The following AFAP1 variants were observed in gnomAD, a reference collection of about 807,000 sequenced individuals.
AFAP1 encodes the protein actin filament associated protein 1, also known as actin filament-associated protein 1.
In AFAP1, 75 loss-of-function variants were observed where a neutral mutation model predicts 93.9. The ratio of observed to expected loss-of-function variants is 0.80; its 90% CI spans 0.66 to 0.97. AFAP1 has a LOEUF of 0.97. Among genes scored for constraint, AFAP1 ranks in the 50% least tolerant of loss-of-function variants. AFAP1 has a pLI of 0.00. For missense variants in AFAP1, 1,201 were observed against 1,050.8 expected (o/e 1.14, Z -1.98); for synonymous variants, 517 against 430.7 (o/e 1.20, Z -2.48).
intron 1 of AFAP1, among the ~76,000 whole-genome samples, chr4:7,928,182 C>T (rs536807571): frequency 7.9e-5 from 12 of 152,286 alleles, no homozygotes; most frequent in African/African-American, 2.9e-4. Flanking sequence ...CTGCCCCAAC[C>T]CCACTCCAGC....
intron 4 of AFAP1, among the ~76,000 whole-genome samples, chr4:7,853,494 G>A (rs955205240): frequency 1.3e-5 from 2 of 152,106 alleles, no homozygotes; most frequent in Non-Finnish European, 2.9e-5. Flanking sequence ...GCAGGCTCCC[G>A]TCTGTCTGTC....
chr4:7,823,819 G>A (rs904246147), intron 6 of AFAP1, among the ~76,000 whole-genome samples: 31 of 152,168 alleles, frequency 2.0e-4, no homozygotes, highest in South Asian at 2.1e-4. Flanking sequence ...TGGGAGGATC[G>A]CATTCAGCAA....
intron 1 of AFAP1, among the ~76,000 whole-genome samples, chr4:7,930,912 G>A (rs1043088153): frequency 1.3e-5 from 2 of 152,088 alleles, no homozygotes; most frequent in Admixed American, 6.5e-5. Flanking sequence ...CACTACAACC[G>A]ACTAATTTTT....
rs970510306 is a variant in AFAP1 at position 7,790,812 on chromosome 4, A to T, written c.1412+2869T>A. Reference sequence around the variant, plus strand: ...TAAGTACTAGACTACATCTATCCTGATTTCCACACAAAAGGACAGTGGTGA... The same window carrying T: ...TAAGTACTAGACTACATCTATCCTGTTTTCCACACAAAAGGACAGTGGTGA... On this transcript the variant is annotated intron_variant, in intron 11 of 17. Coordinates refer to ENST00000420658, the MANE Select transcript of AFAP1 (RefSeq NM_001134647.2). Among the ~76,000 whole-genome samples, 15 of 152,306 alleles carry T rather than the reference A, an allele frequency of 9.8e-5. No homozygotes were observed. In the East Asian group the frequency reaches 2.9e-3, roughly 29 times the overall value.
intron 1 of AFAP1, among the ~76,000 whole-genome samples, chr4:7,930,941 G>A (rs1269639703): frequency 7.2e-5 from 11 of 152,122 alleles, no homozygotes; most frequent in Admixed American, 5.9e-4. Flanking sequence ...TAGTAGAGAC[G>A]AGGTTTCACT....
Position 7,767,920 on chromosome 4 carries a change from C to A in AFAP1, c.2418+924G>T, listed in dbSNP as rs893427487. ...CCAAACCTCATCTCTATAAAGAATA[C>A]AGTAAGTTAGCTGGGCATAATGGTG... On this transcript the variant is annotated intron_variant, in intron 17 of 17. Transcript: ENST00000420658. 3.9e-5 allele frequency among the ~76,000 whole-genome samples: 6 copies of A among 152,160 alleles called. No individual in the cohort carries two copies. In the South Asian group the frequency reaches 1.2e-3, roughly 32 times the overall value.
At chr4:7,785,812 C>A (rs529309811) in intron 12 of AFAP1, among the ~76,000 whole-genome samples, 1 of 151,926 alleles carries the variant, frequency 6.6e-6, no homozygotes, top group Non-Finnish European at 1.5e-5. Flanking sequence ...GTGGTGTGCA[C>A]CTACGGTCCC....
chr4:7,928,391 T>G (rs1441504305), intron 1 of AFAP1, among the ~76,000 whole-genome samples: 1 of 152,082 alleles, frequency 6.6e-6, no homozygotes, highest in Non-Finnish European at 1.5e-5. Flanking sequence ...AGGTTTTGTT[T>G]TTTTGGTTTT....
intron 11 of AFAP1, 78 bp from the exon 12 acceptor site, chr4:7,786,389 G>T: frequency 8.3e-7 from 1 of 1,204,572 alleles, no homozygotes; most frequent in Non-Finnish European, 1.2e-6. Flanking sequence ...AATGAGTTCT[G>T]ACTTTATGCC....
intron 1 of AFAP1, among the ~76,000 whole-genome samples, chr4:7,876,704 A>T (rs1046624472): frequency 2.0e-5 from 3 of 152,184 alleles, no homozygotes; most frequent in Admixed American, 1.3e-4. Flanking sequence ...CTTGAATTCC[A>T]AGAAATATTT....
chr4:7,802,031 T>C (rs28662795), intron 9 of AFAP1, among the ~76,000 whole-genome samples: 176 of 122,336 alleles, frequency 1.4e-3, no homozygotes, highest in African/African-American at 5.5e-3. Context: ...TTATTAGCAA[T>C]TGATAAATGC....
chr4:7,896,103 C>T (rs968742474), intron 1 of AFAP1, among the ~76,000 whole-genome samples: 16 of 152,148 alleles, frequency 1.1e-4, no homozygotes, highest in African/African-American at 2.7e-4. Context: ...TCAGGTGATC[C>T]GCCCGCCTCG....
At chr4:7,857,551 A>G (rs997854991) in intron 3 of AFAP1, among the ~76,000 whole-genome samples, 2 of 152,148 alleles carry the variant, frequency 1.3e-5, no homozygotes, top group African/African-American at 4.8e-5. Flanking sequence ...AGGCTGGACC[A>G]TCTCCAGGTC....
At chr4:7,775,509 CA>C (rs1716006235) in intron 14 of AFAP1, 1 of 152,562 alleles carries the variant, frequency 6.6e-6, no homozygotes, top group Non-Finnish European at 1.5e-5. Context: ...CCTAACACCG[CA>C]GTATCTGTTC....
chr4:7,920,071 T>C (rs1211206747), intron 1 of AFAP1, among the ~76,000 whole-genome samples: 2 of 152,192 alleles, frequency 1.3e-5, no homozygotes, highest in African/African-American at 2.4e-5. Flanking sequence ...TTCCCTGTCT[T>C]TGCTACTGTG....
intron 6 of AFAP1, among the ~76,000 whole-genome samples, chr4:7,837,346 C>T (rs1207657136): frequency 1.3e-5 from 2 of 152,122 alleles, no homozygotes; most frequent in Admixed American, 6.5e-5. Context: ...GTCATGAGGG[C>T]AGAGCCCCCA....
intron 5 of AFAP1, 48 bp downstream of exon 5, chr4:7,843,091 T>C (rs1226081149): frequency 1.1e-5 from 17 of 1,588,082 alleles, no homozygotes; most frequent in African/African-American, 1.3e-5. Context: ...CCATGGCTTC[T>C]GAGTGCAGCA....
At chr4:7,820,387 C>T (rs1348641718) in intron 6 of AFAP1, among the ~76,000 whole-genome samples, 4 of 152,210 alleles carry the variant, frequency 2.6e-5, no homozygotes, top group Non-Finnish European at 5.9e-5. Flanking sequence ...ATGATGCTCA[C>T]AGCCTTGGTC....
At chr4:7,771,891 A>G (rs1305689040) in intron 16 of AFAP1, among the ~76,000 whole-genome samples, 2 of 152,068 alleles carry the variant, frequency 1.3e-5, no homozygotes, top group Non-Finnish European at 2.9e-5. Context: ...TTGGAGGAGA[A>G]GGGGAGAGTA....
Sources: gnomAD v4.1 joint callset for allele counts (sites outside exome capture counted in the v4.1 genomes callset) on GRCh38, gnomAD v4.1.1 for gene constraint, MANE v1.5 for transcripts, NCBI Gene and HGNC (gene_info 2026-07-23, HGNC 2026-07-21) for gene names.